Variants in CTNNA3 observed in about 807,000 individuals in gnomAD.
CTNNA3 encodes the protein catenin alpha 3.
In CTNNA3, 76 loss-of-function variants were observed where a neutral mutation model predicts 95.7. That is an observed-to-expected ratio of 0.79 (90% CI 0.66 to 0.96). CTNNA3 has a LOEUF of 0.96. Ranked by LOEUF, CTNNA3 falls within the 40% of genes least tolerant of loss-of-function variation. CTNNA3 has a pLI of 0.00. For synonymous variants in CTNNA3, 431 were observed against 374.4 expected (o/e 1.15, Z -1.74); for missense variants, 1,191 against 1,089.8 (o/e 1.09, Z -1.31).
intron 6 of CTNNA3, among the ~76,000 whole-genome samples, chr10:67,193,503 C>T (rs1280858427): frequency 6.6e-6 from 1 of 151,942 alleles, no homozygotes; most frequent in Non-Finnish European, 1.5e-5. Flanking sequence ...TCCTCCCACC[C>T]TCCACCCTCT....
chr10:66,150,804 T>C (rs976639889), intron 13 of CTNNA3, among the ~76,000 whole-genome samples: 10 of 152,100 alleles, frequency 6.6e-5, no homozygotes, highest in Non-Finnish European at 1.2e-4. Context: ...CACATATTTT[T>C]GTTTTAAACC....
intron 2 of CTNNA3, among the ~76,000 whole-genome samples, chr10:67,624,246 C>A (rs1041579096): frequency 6.6e-6 from 1 of 152,152 alleles, no homozygotes; most frequent in African/African-American, 2.4e-5. Flanking sequence ...TGGTCCCTTC[C>A]CTGAGTTTTC....
chr10:67,617,766 CTT>C (rs60151492), intron 2 of CTNNA3, among the ~76,000 whole-genome samples: 32 of 138,242 alleles, frequency 2.3e-4, no homozygotes, highest in Admixed American at 2.9e-4. Flanking sequence ...CCAGCATCTG[CTT>C]TTTTTTTTTT....
intron 7 of CTNNA3, among the ~76,000 whole-genome samples, chr10:66,910,259 A>G (rs895684801): frequency 6.6e-6 from 1 of 152,224 alleles, no homozygotes; most frequent in Non-Finnish European, 1.5e-5. Flanking sequence ...AGGTATGCAT[A>G]GCATCTTGGT....
intron 7 of CTNNA3, among the ~76,000 whole-genome samples, chr10:66,788,005 T>C (rs1840815396): frequency 6.6e-6 from 1 of 152,204 alleles, no homozygotes; most frequent in Non-Finnish European, 1.5e-5. Context: ...ACCACTATTT[T>C]ACCATGTTTT....
At chr10:66,367,191 C>A (rs116307415) in intron 12 of CTNNA3, among the ~76,000 whole-genome samples, 2 of 151,118 alleles carry the variant, frequency 1.3e-5, no homozygotes, top group Admixed American at 1.3e-4. Context: ...TTAGCCCATG[C>A]GTAAGCCATC....
chr10:67,604,283 C>T (rs901910123), intron 3 of CTNNA3, among the ~76,000 whole-genome samples: 1 of 152,140 alleles, frequency 6.6e-6, no homozygotes, highest in Non-Finnish European at 1.5e-5. Context: ...ATTCAAGAAA[C>T]TGCGAGTTCC....
At chr10:67,089,927 T>C (rs1011813550) in intron 7 of CTNNA3, among the ~76,000 whole-genome samples, 2 of 152,038 alleles carry the variant, frequency 1.3e-5, no homozygotes, top group Non-Finnish European at 2.9e-5. Context: ...CTGCAGCACC[T>C]GCCTAGCTAT....
chr10:66,271,188 G>A (rs962700153), intron 13 of CTNNA3, among the ~76,000 whole-genome samples: 15 of 152,144 alleles, frequency 9.9e-5, no homozygotes, highest in South Asian at 4.1e-4. Context: ...TATTTTTCCC[G>A]TTGAAACTCC....
At chr10:67,594,322 T>C (rs572721269) in intron 3 of CTNNA3, among the ~76,000 whole-genome samples, 1 of 152,250 alleles carries the variant, frequency 6.6e-6, no homozygotes, top group East Asian at 1.9e-4. Context: ...TTCAGAATGA[T>C]GGGTACCAGC....
At chr10:66,657,108 C>T (rs1360548707) in intron 9 of CTNNA3, among the ~76,000 whole-genome samples, 1 of 152,046 alleles carries the variant, frequency 6.6e-6, no homozygotes, top group African/African-American at 2.4e-5. Context: ...AAGAGAATGG[C>T]ACGAGGAAGC....
intron 7 of CTNNA3, among the ~76,000 whole-genome samples, chr10:67,113,984 G>A (rs983004280): frequency 2.0e-5 from 3 of 151,988 alleles, no homozygotes; most frequent in Admixed American, 1.3e-4. Context: ...TCAGGAGGCT[G>A]GGGTGAGAGG....
At chr10:66,857,172 T>G (rs1843714871) in intron 7 of CTNNA3, among the ~76,000 whole-genome samples, 1 of 152,102 alleles carries the variant, frequency 6.6e-6, no homozygotes, top group Admixed American at 6.6e-5. Flanking sequence ...CTTACCTCAT[T>G]GCTTGTTTTT....
At chr10:65,962,426 T>C (rs909089619) in intron 17 of CTNNA3, among the ~76,000 whole-genome samples, 1 of 152,174 alleles carries the variant, frequency 6.6e-6, no homozygotes, top group African/African-American at 2.4e-5. Context: ...TTTCTTCTTT[T>C]TCACCCTTAA....
In CTNNA3 at chr10:67,511,991, T is replaced by C. The variant is rs1839651149; in HGVS notation, c.579+9851A>G. Among the ~76,000 whole-genome samples the C allele has an allele frequency of 2.0e-5, 3 of 152,192 alleles. No homozygotes were observed. The South Asian group carries it at 6.2e-4, about 32-fold the overall frequency. The stretch of plus-strand genomic sequence containing the variant: ...TTCTAGTTTATTTGCGTAGAGGTGT[T>C]TATAGTATTCTCTGATGGTAGTTTT... On this transcript the variant is annotated intron_variant, in intron 5 of 17. Transcript: ENST00000433211.
At chr10:67,564,515 G>T (rs1207230546) in intron 3 of CTNNA3, among the ~76,000 whole-genome samples, 1 of 127,228 alleles carries the variant, frequency 7.9e-6, no homozygotes, top group Non-Finnish European at 1.7e-5. Flanking sequence ...AGGGGGGATG[G>T]ATAGCACTGG....
At chr10:66,792,913 A>G (rs927815959) in intron 7 of CTNNA3, among the ~76,000 whole-genome samples, 3 of 152,142 alleles carry the variant, frequency 2.0e-5, no homozygotes, top group Admixed American at 1.3e-4. Flanking sequence ...AGTGTTTTCA[A>G]TTATGGCTTT....
intron 7 of CTNNA3, among the ~76,000 whole-genome samples, chr10:66,777,247 G>A (rs550064252): frequency 2.1e-4 from 32 of 152,046 alleles, no homozygotes; most frequent in African/African-American, 3.6e-4. Flanking sequence ...CAAATCTGGC[G>A]CACTGTGACA....
At chr10:66,369,172 T>C (rs1050646279) in intron 12 of CTNNA3, among the ~76,000 whole-genome samples, 1 of 152,152 alleles carries the variant, frequency 6.6e-6, no homozygotes, top group African/African-American at 2.4e-5. Context: ...GTAGTATTAT[T>C]AAGCAGTAAT....
Sources: allele counts gnomAD v4.1 joint callset (sites outside exome capture counted in the v4.1 genomes callset), GRCh38; gene constraint gnomAD v4.1.1; transcripts MANE v1.5; gene names NCBI Gene and HGNC (gene_info 2026-07-23, HGNC 2026-07-21).